The following PARP8 variants were observed in gnomAD, a reference collection of about 807,000 sequenced individuals.
PARP8 encodes protein mono-ADP-ribosyltransferase PARP8.
In PARP8, 51 loss-of-function variants were observed where a neutral mutation model predicts 124.1. That is an observed-to-expected ratio of 0.41 (90% CI 0.33 to 0.52). The LOEUF is 0.52. Among genes scored for constraint, PARP8 ranks in the 20% least tolerant of loss-of-function variants. The probability of loss-of-function intolerance (pLI) is 0.21; values close to 1 mark genes in which losing one functional copy is unlikely to be tolerated. For missense variants in PARP8, 860 were observed against 1,018.9 expected, an observed-to-expected ratio of 0.84 and a Z score of 2.12; for synonymous variants, 391 against 361.5, an observed-to-expected ratio of 1.08 and a Z score of -0.93.
At chr5:50,782,477 A>T (rs1289581124) in intron 9 of PARP8, among the ~76,000 whole-genome samples, 1 of 152,244 alleles carries the variant, frequency 6.6e-6, no homozygotes, top group African/African-American at 2.4e-5. Context: ...AACTGGAGAC[A>T]GTGTTACTAA....
chr5:50,672,203 T>C lies in PARP8; in HGVS notation c.146+4078T>C, dbSNP rs61247469. On this transcript the variant is annotated intron_variant, in intron 2 of 25. Coordinates refer to ENST00000281631, the MANE Select transcript of PARP8 (RefSeq NM_024615.4). ...CCTGGCATCTTCGTCTGTATGATTC[T>C]GCTAGGTGTTTCTAAAACCATGTCG... is the stretch of plus-strand genomic sequence containing the variant. 6.7e-3 allele frequency among the ~76,000 whole-genome samples: 1,027 copies of C among 152,332 alleles called. 18 individuals are homozygous for C. The highest frequency in any genetic ancestry group is 0.024 in the African/African-American group (985 of 41,578).
chr5:50,820,719 G>A (rs1167006834), intron 15 of PARP8, among the ~76,000 whole-genome samples: 4 of 152,162 alleles, frequency 2.6e-5, no homozygotes, highest in Admixed American at 2.6e-4. Flanking sequence ...TCCTGACCCC[G>A]TACAGGTCTC....
rs188554922 is a variant in PARP8 at position 50,771,133 on chromosome 5, A to G, written c.519-6936A>G. On this transcript the variant is annotated intron_variant, in intron 7 of 25. Transcript: ENST00000281631. ...TATATATATACACACACACATATAT[A>G]TACACATATATATAATATATATATA... is the stretch of plus-strand genomic sequence containing the variant. Among the ~76,000 whole-genome samples the G allele has an allele frequency of 4.9e-4, 74 of 150,482 alleles. 1 individual carries two copies. Among genetic ancestry groups the G allele is most frequent in the African/African-American group, 1.8e-3 (73 of 41,204 alleles).
intron 14 of PARP8, among the ~76,000 whole-genome samples, chr5:50,813,346 T>C (rs1175541469): frequency 2.0e-5 from 3 of 152,236 alleles, no homozygotes; most frequent in Admixed American, 6.5e-5. Context: ...TTTTATTCTC[T>C]TTGAAGCAAT....
chr5:50,740,378 G>A (rs150347780), intron 2 of PARP8, among the ~76,000 whole-genome samples: 36 of 152,268 alleles, frequency 2.4e-4, no homozygotes, highest in African/African-American at 8.2e-4. Context: ...CAGGCAGAGG[G>A]AACACAACAT....
chr5:50,758,417 T>C (rs943667797), intron 3 of PARP8, among the ~76,000 whole-genome samples: 8 of 152,202 alleles, frequency 5.3e-5, no homozygotes, highest in Admixed American at 5.2e-4. Context: ...AACCTGTACA[T>C]ACAGATCACT....
chr5:50,717,561 C>T (rs1755446730), intron 2 of PARP8, among the ~76,000 whole-genome samples: 1 of 151,628 alleles, frequency 6.6e-6, no homozygotes, highest in East Asian at 2.0e-4. Context: ...CATTTAAAGC[C>T]CAAGAGTAGA....
At chr5:50,841,944 A>G in intron 25 of PARP8, 22 bp from the exon 26 acceptor site, 1 of 1,498,886 alleles carries the variant, frequency 6.7e-7, no homozygotes, top group South Asian at 1.2e-5. Flanking sequence ...ATGTTTTTAT[A>G]TTTTTATGTT....
chr5:50,843,725 T>C lies in PARP8; in HGVS notation c.*1657T>C, dbSNP rs1748399106. On this transcript the variant is annotated 3_prime_UTR_variant, in exon 26 of 26. Coordinates refer to ENST00000281631, the MANE Select transcript of PARP8 (RefSeq NM_024615.4). ...TCCTATCCAGTGTTTTGTGACCACT[T>C]ATTTGAAGATTAGTGTGGGACATGA... 6.6e-6 allele frequency: 1 copy of C among 151,788 alleles called. No individual in the cohort carries two copies. The highest frequency in any genetic ancestry group is 2.4e-5 in the African/African-American group (1 of 41,398). The allele number at this position is 151,788 out of a possible 1,614,324, so 9.4% of individuals were successfully genotyped here.
chr5:50,680,865 A>G (rs543637126), intron 2 of PARP8, among the ~76,000 whole-genome samples: 1 of 152,176 alleles, frequency 6.6e-6, no homozygotes, highest in African/African-American at 2.4e-5. Context: ...ACCCAAGGGC[A>G]TGCCTGATTT....
chr5:50,703,089 C>A (rs1753763570), intron 2 of PARP8, among the ~76,000 whole-genome samples: 1 of 152,020 alleles, frequency 6.6e-6, no homozygotes, highest in Non-Finnish European at 1.5e-5. Flanking sequence ...TCACTTGAGC[C>A]CAAGAGCTCA....
At chr5:50,730,727 A>G (rs1293762367) in intron 2 of PARP8, among the ~76,000 whole-genome samples, 1 of 152,188 alleles carries the variant, frequency 6.6e-6, no homozygotes, top group Non-Finnish European at 1.5e-5. Flanking sequence ...TGAAAACCAG[A>G]GATTATTGAG....
intron 2 of PARP8, among the ~76,000 whole-genome samples, chr5:50,689,142 C>G (rs150935168): frequency 6.7e-6 from 1 of 150,234 alleles, no homozygotes; most frequent in Non-Finnish European, 1.5e-5. Flanking sequence ...ATCCTTAATC[C>G]ACCTGTTATT....
chr5:50,803,068 A>G (rs1250055331), intron 14 of PARP8, among the ~76,000 whole-genome samples: 2 of 152,154 alleles, frequency 1.3e-5, no homozygotes, highest in Non-Finnish European at 2.9e-5. Context: ...AAGGATAGTT[A>G]TGCTGGGTAT....
intron 17 of PARP8, 43 bp from the exon 18 acceptor site, chr5:50,824,865 G>T (rs747118839): frequency 1.3e-6 from 2 of 1,538,736 alleles, no homozygotes; most frequent in Non-Finnish European, 9.0e-7. Flanking sequence ...ACGGAAAAAT[G>T]AATTTTTATG....
At chr5:50,740,274 A>G (rs1341688298) in intron 2 of PARP8, among the ~76,000 whole-genome samples, 1 of 152,164 alleles carries the variant, frequency 6.6e-6, no homozygotes, top group Admixed American at 6.5e-5. Context: ...GGGAAAGGTC[A>G]TCAAAGTTTT....
chr5:50,720,256 G>C (rs374024384), intron 2 of PARP8, among the ~76,000 whole-genome samples: 1 of 152,044 alleles, frequency 6.6e-6, no homozygotes, highest in Non-Finnish European at 1.5e-5. Context: ...GAAGTAGTAC[G>C]TTTTGGGCCC....
chr5:50,739,732 ATTTT>A (rs1230937798), intron 2 of PARP8, among the ~76,000 whole-genome samples: 104 of 44,172 alleles, frequency 2.4e-3, no homozygotes, highest in African/African-American at 7.0e-3. Context: ...ATATATATAT[ATTTT>A]TTTTTTTTTT....
At chr5:50,810,853 G>A (rs1177200062) in intron 14 of PARP8, among the ~76,000 whole-genome samples, 3 of 151,930 alleles carry the variant, frequency 2.0e-5, no homozygotes, top group Middle Eastern at 3.2e-3. Context: ...GAATTTACTA[G>A]CATTTACTTA....
Sources: allele counts gnomAD v4.1 joint callset (sites outside exome capture counted in the v4.1 genomes callset), GRCh38; gene constraint gnomAD v4.1.1; transcripts MANE v1.5; gene names NCBI Gene and HGNC (gene_info 2026-07-23, HGNC 2026-07-21).